ZFHX3: variants seen among roughly 807,000 people sequenced by gnomAD.
ZFHX3 encodes the protein zinc finger homeobox protein 3.
ZFHX3 carries 42 observed loss-of-function variants against 279.1 expected under a neutral mutation model. The observed-to-expected ratio is 0.15, with a 90% CI of 0.12 to 0.19. ZFHX3 has a LOEUF of 0.19. Among genes scored for constraint, ZFHX3 ranks in the 10% least tolerant of loss-of-function variants. ZFHX3 has a pLI of 1.00. For synonymous variants in ZFHX3, 2,293 were observed against 1,957.8 expected (o/e 1.17, Z -4.52); for missense variants, 4,981 against 4,754.0 (o/e 1.05, Z -1.40).
chr16:73,282,184 C>G (rs1045487051), intron 4 of ZFHX3, among the ~76,000 whole-genome samples: 1 of 152,170 alleles, frequency 6.6e-6, no homozygotes, highest in Non-Finnish European at 1.5e-5. Context: ...GTTCCCAGTC[C>G]TAAGTAGCGT....
chr16:73,548,288 C>A (rs1473308485), intron 2 of ZFHX3, among the ~76,000 whole-genome samples: 1 of 152,182 alleles, frequency 6.6e-6, no homozygotes, highest in African/African-American at 2.4e-5. Flanking sequence ...CTGTGATATT[C>A]CTTTGAAGAC....
At chr16:73,291,528 A>T (rs919085546) in intron 4 of ZFHX3, among the ~76,000 whole-genome samples, 2 of 152,194 alleles carry the variant, frequency 1.3e-5, no homozygotes, top group African/African-American at 4.8e-5. Context: ...CATTAATGAC[A>T]TCTCAACATG....
At chr16:73,882,256 A>C (rs1245907524) in intron 1 of ZFHX3, among the ~76,000 whole-genome samples, 1 of 151,914 alleles carries the variant, frequency 6.6e-6, no homozygotes, top group Non-Finnish European at 1.5e-5. Context: ...ATCCCGACTG[A>C]GGTTTATTGC....
chr16:72,878,226 T>C (rs989327704), intron 4 of ZFHX3, among the ~76,000 whole-genome samples: 2 of 152,154 alleles, frequency 1.3e-5, no homozygotes, highest in African/African-American at 4.8e-5. Flanking sequence ...AAAACTCACC[T>C]ACCAAAAGTC....
intron 1 of ZFHX3, among the ~76,000 whole-genome samples, chr16:73,822,287 G>A (rs1960768229): frequency 6.6e-6 from 1 of 152,148 alleles, no homozygotes; most frequent in South Asian, 2.1e-4. Context: ...CCAGGCTGAA[G>A]CTTTCTTCTC....
chr16:73,842,340 G>A (rs1020551083), intron 1 of ZFHX3, among the ~76,000 whole-genome samples: 1 of 152,116 alleles, frequency 6.6e-6, no homozygotes, highest in Non-Finnish European at 1.5e-5. Context: ...GGTCTTAGGT[G>A]AGCTGCTGGT....
chr16:73,690,366 T>G (rs1395181505), intron 1 of ZFHX3, among the ~76,000 whole-genome samples: 1 of 152,196 alleles, frequency 6.6e-6, no homozygotes, highest in African/African-American at 2.4e-5. Context: ...AGGAATCTGC[T>G]TGAAGCAGCT....
chr16:73,715,481 A>G (rs2053405223), intron 1 of ZFHX3, among the ~76,000 whole-genome samples: 1 of 146,940 alleles, frequency 6.8e-6, no homozygotes, highest in Non-Finnish European at 1.5e-5. Flanking sequence ...GAGCTTATGG[A>G]GGTGTCACCA....
chr16:73,031,213 A>G (rs1964684482), intron 1 of ZFHX3, among the ~76,000 whole-genome samples: 1 of 152,230 alleles, frequency 6.6e-6, no homozygotes, highest in African/African-American at 2.4e-5. Flanking sequence ...TGTTTTCACA[A>G]ATAATTAATC....
intron 4 of ZFHX3, among the ~76,000 whole-genome samples, chr16:72,862,447 G>A (rs575606578): frequency 2.1e-4 from 32 of 152,330 alleles, no homozygotes; most frequent in African/African-American, 7.5e-4. Context: ...ATTTAATGAG[G>A]AAAGCTTTCC....
upstream of ZFHX3, among the ~76,000 whole-genome samples, chr16:73,064,320 C>T (rs1164526349): frequency 6.6e-6 from 1 of 151,998 alleles, no homozygotes; most frequent in Non-Finnish European, 1.5e-5. Flanking sequence ...GAGGGTGAAT[C>T]ACCCCGATTT....
At chr16:73,272,931 G>A (rs1254989016) in intron 4 of ZFHX3, among the ~76,000 whole-genome samples, 4 of 152,064 alleles carry the variant, frequency 2.6e-5, no homozygotes, top group Non-Finnish European at 5.9e-5. Context: ...ATTTTTTGTA[G>A]AGATGGGATC....
intron 2 of ZFHX3, among the ~76,000 whole-genome samples, chr16:73,639,853 T>C (rs77567757): frequency 0.11 from 16,681 of 152,004 alleles, 1,190 homozygotes; most frequent in Middle Eastern, 0.17. Context: ...AACAAATCTT[T>C]AAGGAAAAAA....
intron 7 of ZFHX3, among the ~76,000 whole-genome samples, chr16:73,105,342 T>C (rs1283294375): frequency 1.9e-5 from 2 of 106,348 alleles, no homozygotes; most frequent in Admixed American, 1.8e-4. Context: ...CACACGTGTG[T>C]ATATATATAT....
chr16:73,777,851 T>A (rs1959310344), intron 1 of ZFHX3, among the ~76,000 whole-genome samples: 1 of 151,896 alleles, frequency 6.6e-6, no homozygotes, highest in South Asian at 2.1e-4. Context: ...AACTGGGACT[T>A]TTTTTTTCTC....
chr16:73,102,114 A>G (rs1966239328), intron 7 of ZFHX3, among the ~76,000 whole-genome samples: 2 of 151,794 alleles, frequency 1.3e-5, no homozygotes, highest in South Asian at 4.2e-4. Flanking sequence ...AGGTTTTACC[A>G]TGTTGTCCAG....
chr16:72,873,003 C>T (rs1452261894), intron 4 of ZFHX3, among the ~76,000 whole-genome samples: 1 of 152,168 alleles, frequency 6.6e-6, no homozygotes, highest in Non-Finnish European at 1.5e-5. Context: ...ATTTATCTTT[C>T]CAGTTTCAGC....
chr16:72,939,158 T>C lies in ZFHX3; in HGVS notation c.3216+11311A>G, dbSNP rs1280779879. 5.9e-5 allele frequency among the ~76,000 whole-genome samples: 9 copies of C among 152,084 alleles called. No individual in the cohort carries two copies. The East Asian group carries it at 1.7e-3, about 29-fold the overall frequency. On this transcript the variant is annotated intron_variant, in intron 3 of 9. Coordinates refer to ENST00000268489, the MANE Select transcript of ZFHX3 (RefSeq NM_006885.4). ...GTATAGAAGACAAAGGCACAGGAGC[T>C]ATGGGAGGACCACAGTGAAAACCAT... is the stretch of plus-strand genomic sequence containing the variant.
chr16:72,888,908 G>A (rs890160386), intron 4 of ZFHX3, among the ~76,000 whole-genome samples: 3 of 152,210 alleles, frequency 2.0e-5, no homozygotes, highest in African/African-American at 4.8e-5. Flanking sequence ...AGGATGAAAG[G>A]AGAGCTTTTC....
Sources: allele counts gnomAD v4.1 joint callset (sites outside exome capture counted in the v4.1 genomes callset), GRCh38; gene constraint gnomAD v4.1.1; transcripts MANE v1.5; gene names NCBI Gene and HGNC (gene_info 2026-07-23, HGNC 2026-07-21).